The following CDK14 variants were observed in gnomAD, a reference collection of about 807,000 sequenced individuals.
The protein encoded by CDK14 is cyclin-dependent kinase 14.
A neutral mutation model predicts 60.7 loss-of-function variants in CDK14; 34 were observed. The observed-to-expected ratio is 0.56, with a 90% CI of 0.43 to 0.75. CDK14 has a LOEUF of 0.75. CDK14 is among the 30% of genes least tolerant of loss of function. CDK14 has a pLI of 0.00. For missense variants in CDK14, 482 were observed against 564.1 expected, an observed-to-expected ratio of 0.85 and a Z score of 1.47; for synonymous variants, 197 against 203.7, an observed-to-expected ratio of 0.97 and a Z score of 0.28.
intron 6 of CDK14, among the ~76,000 whole-genome samples, chr7:90,895,263 G>A (rs1256451116): frequency 6.6e-6 from 1 of 151,486 alleles, no homozygotes; most frequent in African/African-American, 2.4e-5. Context: ...GTACAGTGCT[G>A]TATTTTAAAA....
intron 10 of CDK14, among the ~76,000 whole-genome samples, chr7:90,995,110 G>A (rs1477740464): frequency 6.6e-6 from 1 of 152,138 alleles, no homozygotes; most frequent in Admixed American, 6.5e-5. Flanking sequence ...CACTTCTAAT[G>A]GATAGAATAT....
chr7:90,985,696 A>C (rs1368510274), intron 10 of CDK14, among the ~76,000 whole-genome samples: 1 of 152,158 alleles, frequency 6.6e-6, no homozygotes, highest in African/African-American at 2.4e-5. Flanking sequence ...ACTGGAAACT[A>C]GGAAATTAAA....
intron 5 of CDK14, among the ~76,000 whole-genome samples, chr7:90,843,642 C>T (rs956583048): frequency 6.6e-6 from 1 of 152,042 alleles, no homozygotes; most frequent in African/African-American, 2.4e-5. Flanking sequence ...TGGCAAAGTT[C>T]CCTGGGGCAG....
rs112016367 is a variant in CDK14, at chr7:91,096,065, CAAAAAAA to C, written c.1155-16460_1155-16454del. ...ATTTATCTATATTACCACAATTTGC[CAAAAAAA>C]AAAAAAAAAAAAAAAACAGTTATCT... On this transcript the variant is annotated intron_variant, in intron 12 of 14. Coordinates refer to ENST00000380050, the MANE Select transcript of CDK14 (RefSeq NM_001287135.2). Among the ~76,000 whole-genome samples, 8 of 64,552 alleles carry C rather than the reference CAAAAAAA, an allele frequency of 1.2e-4. No homozygotes were observed. The East Asian group carries it at 2.1e-3, about 17-fold the overall frequency. 42.3% of individuals were successfully genotyped at this position (64,552 alleles called of 152,430 possible). A position where few individuals can be genotyped will look rare whatever the true frequency, so the allele number is the denominator to read the frequency against.
chr7:91,011,857 A>G (rs992127257), intron 10 of CDK14, among the ~76,000 whole-genome samples: 4 of 151,836 alleles, frequency 2.6e-5, no homozygotes, highest in African/African-American at 7.3e-5. Context: ...TAACATATGG[A>G]ATACCTATGT....
intron 5 of CDK14, among the ~76,000 whole-genome samples, chr7:90,808,694 C>T (rs998894499): frequency 2.6e-5 from 4 of 152,032 alleles, no homozygotes; most frequent in Admixed American, 2.6e-4. Context: ...GAGTCAAGAC[C>T]CATCAGTGTG....
At chr7:90,815,078 C>T (rs943386440) in intron 5 of CDK14, among the ~76,000 whole-genome samples, 8 of 152,146 alleles carry the variant, frequency 5.3e-5, no homozygotes, top group Non-Finnish European at 8.8e-5. Context: ...TTTGTGTACA[C>T]TTACCTTTTA....
intron 10 of CDK14, among the ~76,000 whole-genome samples, chr7:91,030,139 G>A (rs2115931138): frequency 1.3e-5 from 2 of 152,222 alleles, no homozygotes; most frequent in South Asian, 4.1e-4. Context: ...AATTTTAATT[G>A]TATATATCTA....
intron 9 of CDK14, among the ~76,000 whole-genome samples, chr7:90,971,654 A>T (rs997845086): frequency 3.7e-5 from 2 of 54,146 alleles, no homozygotes. Context: ...TATACATAGT[A>T]AAAAAAAAAA....
chr7:90,721,411 C>T (rs939589297), intron 2 of CDK14, among the ~76,000 whole-genome samples: 1 of 152,194 alleles, frequency 6.6e-6, no homozygotes, highest in Non-Finnish European at 1.5e-5. Context: ...GGTCTTTCAG[C>T]AACTCATCTT....
chr7:90,729,520 G>T (rs909501262), intron 3 of CDK14, among the ~76,000 whole-genome samples: 3 of 151,368 alleles, frequency 2.0e-5, no homozygotes, highest in African/African-American at 7.3e-5. Flanking sequence ...GAATTGGTAA[G>T]GGGGAGAGAT....
At position 91,118,076 on chromosome 7, in the gene CDK14, T is replaced by C; in HGVS notation, c.1306T>C (p.Phe436Leu). 1.2e-6 allele frequency: 2 copies of C among 1,606,168 alleles called. No individual in the cohort carries two copies. Among genetic ancestry groups the C allele is most frequent in the Non-Finnish European group, 1.7e-6 (2 of 1,173,080 alleles). ...TATTCTGTCCACAGTGTCTTCTATT[T>C]TTACTGTCCCAAATGTGAGATTGCA... The part of the protein sequence containing the change: ...LWELTDMSSI[F>L]TVPNVRLQPE... The change falls in exon 14 of 15, where the codon TTT becomes CTT. Residue 436 changes from phenylalanine to leucine, a missense_variant. Transcript: ENST00000380050.
Position 90,709,559 on chromosome 7 carries a change from C to T in CDK14, c.124-17008C>T, listed in dbSNP as rs769253760. ...GACAGCATATGCACGGTTACTTTGG[C>T]TGCAATGCTGCTGCAGAGCCCGGTT... On this transcript the variant is annotated intron_variant, in intron 2 of 14. Coordinates refer to ENST00000380050, the MANE Select transcript of CDK14 (RefSeq NM_001287135.2). 60 of 1,613,266 alleles carry T rather than the reference C, an allele frequency of 3.7e-5. No individual in the cohort carries two copies. The Middle Eastern group carries it at 6.6e-4, about 18-fold the overall frequency.
intron 11 of CDK14, among the ~76,000 whole-genome samples, chr7:91,048,171 A>G (rs1025797412): frequency 1.3e-5 from 2 of 152,166 alleles, no homozygotes; most frequent in African/African-American, 4.8e-5. Context: ...CCCCTGAACC[A>G]CTGACCCCAC....
At chr7:91,015,703 A>AT (rs932965989) in intron 10 of CDK14, among the ~76,000 whole-genome samples, 6 of 146,164 alleles carry the variant, frequency 4.1e-5, no homozygotes, top group African/African-American at 1.3e-4. Context: ...AATTTTTTGT[A>AT]TTTTTTTTAG....
chr7:90,616,849 G>A (rs1481324518), intron 2 of CDK14, among the ~76,000 whole-genome samples: 1 of 151,780 alleles, frequency 6.6e-6, no homozygotes, highest in African/African-American at 2.4e-5. Flanking sequence ...ATTCCCTTTA[G>A]TTACCTTATT....
At chr7:91,141,568 T>A (rs767186997) in intron 14 of CDK14, among the ~76,000 whole-genome samples, 35 of 151,192 alleles carry the variant, frequency 2.3e-4, no homozygotes, top group Non-Finnish European at 2.4e-4. Flanking sequence ...TACTGAGCTG[T>A]GAATAGAGGT....
chr7:90,730,680 T>A (rs1244952359), intron 3 of CDK14, among the ~76,000 whole-genome samples: 14 of 152,200 alleles, frequency 9.2e-5, no homozygotes, highest in African/African-American at 3.4e-4. Flanking sequence ...TCATATTCTT[T>A]GCCTACTTTT....
chr7:90,680,019 G>A (rs1162378212), intron 2 of CDK14, among the ~76,000 whole-genome samples: 4 of 151,626 alleles, frequency 2.6e-5, no homozygotes, highest in East Asian at 1.9e-4. Flanking sequence ...AGTATAAGGC[G>A]GTTATAATAG....
Sources: allele counts gnomAD v4.1 joint callset (sites outside exome capture counted in the v4.1 genomes callset), GRCh38; gene constraint gnomAD v4.1.1; transcripts MANE v1.5; gene names NCBI Gene and HGNC (gene_info 2026-07-23, HGNC 2026-07-21).